SEMA5B: variants seen among roughly 807,000 people sequenced by gnomAD.
The protein encoded by SEMA5B is semaphorin-5B.
Under a neutral mutation model 135.0 loss-of-function variants are expected in SEMA5B, and 66 were observed. The ratio of observed to expected loss-of-function variants is 0.49; its 90% CI spans 0.40 to 0.60. SEMA5B has a LOEUF of 0.60. Among genes scored for constraint, SEMA5B ranks in the 20% least tolerant of loss-of-function variants. SEMA5B has a pLI of 0.00. For synonymous variants in SEMA5B, 690 were observed against 639.5 expected (o/e 1.08, Z -1.19); for missense variants, 1,501 against 1,566.3 (o/e 0.96, Z 0.70).
chr3:122,970,976 C>T (rs1941089744), intron 1 of SEMA5B, among the ~76,000 whole-genome samples: 1 of 152,218 alleles, frequency 6.6e-6, no homozygotes, highest in Non-Finnish European at 1.5e-5. Context: ...AGGGCTGGAT[C>T]AAGAGCCAGA....
At chr3:122,947,548 C>T (rs1402101237) in intron 3 of SEMA5B, among the ~76,000 whole-genome samples, 3 of 152,222 alleles carry the variant, frequency 2.0e-5, no homozygotes, top group Non-Finnish European at 4.4e-5. Context: ...AGCAACGGAT[C>T]GCTCTGCAGT....
chr3:122,939,548 C>A, intron 4 of SEMA5B, 78 bp from the exon 5 acceptor site: 1 of 1,114,880 alleles, frequency 9.0e-7, no homozygotes, highest in Non-Finnish European at 1.4e-6. Flanking sequence ...CTGGCTTGGG[C>A]CTCCTGGGAC....
rs974419781 is a variant in SEMA5B at position 122,966,561 on chromosome 3, TTATTA to T, written c.-38-5265_-38-5261del. 1.1e-3 allele frequency among the ~76,000 whole-genome samples: 154 copies of T among 141,982 alleles called. 1 individual carries two copies. The highest frequency in any genetic ancestry group is 4.1e-3 in the African/African-American group (137 of 33,510). 93.1% of individuals were successfully genotyped at this position (141,982 alleles called of 152,430 possible). ...TTTATTATTATTATTATTATTATTA[TTATTA>T]TTTTTTGAGACGGAGTCTCGCTCTA... On this transcript the variant is annotated intron_variant, in intron 1 of 22. Coordinates refer to ENST00000357599, the MANE Select transcript of SEMA5B (RefSeq NM_001031702.4).
intron 4 of SEMA5B, among the ~76,000 whole-genome samples, chr3:122,943,061 C>A (rs938614298): frequency 6.6e-6 from 1 of 152,228 alleles, no homozygotes; most frequent in Non-Finnish European, 1.5e-5. Context: ...GCCGGCTGGC[C>A]GGCAGGGGGC....
intron 1 of SEMA5B, among the ~76,000 whole-genome samples, chr3:122,991,382 A>G (rs141912086): frequency 1.3e-5 from 2 of 152,310 alleles, no homozygotes; most frequent in Non-Finnish European, 2.9e-5. Context: ...GTTAACCTGA[A>G]CCAGTAGTTC....
rs545307771 is a variant in SEMA5B, at chr3:122,936,096, CTT to C, written c.474+3327_474+3328del. Among the ~76,000 whole-genome samples the C allele has an allele frequency of 1.1e-4, 16 of 152,260 alleles. No homozygotes were observed. In the South Asian group the frequency reaches 3.3e-3, roughly 32 times the overall value. Reference sequence around the variant, plus strand: ...TGTGCACCCTTTAAAATTTCTCACTCTTTTTAGTGGAGTTTTGTGAAGGGGTG... The same window carrying C: ...TGTGCACCCTTTAAAATTTCTCACTCTTTAGTGGAGTTTTGTGAAGGGGTG... On this transcript the variant is annotated intron_variant, in intron 5 of 22. Coordinates refer to ENST00000357599, the MANE Select transcript of SEMA5B (RefSeq NM_001031702.4).
At chr3:123,008,859 C>T (rs1181591019) in intron 1 of SEMA5B, among the ~76,000 whole-genome samples, 1 of 152,138 alleles carries the variant, frequency 6.6e-6, no homozygotes, top group East Asian at 1.9e-4. Context: ...GGTTCAGGAG[C>T]TGAGGGGCAC....
At chr3:122,913,474 G>A (rs777559222) in intron 16 of SEMA5B, 50 bp from the exon 17 acceptor site, 2 of 1,566,842 alleles carry the variant, frequency 1.3e-6, no homozygotes, top group Non-Finnish European at 1.7e-6. Flanking sequence ...CTCCAGGCCC[G>A]CCCTCCCCTC....
chr3:122,916,652 G>A (rs1035170178), intron 12 of SEMA5B, among the ~76,000 whole-genome samples: 12 of 152,160 alleles, frequency 7.9e-5, no homozygotes, highest in African/African-American at 2.4e-4. Context: ...TGCTTCCCAC[G>A]GGAGGTTGTG....
At chr3:122,951,333 G>T (rs1392053468) in intron 2 of SEMA5B, among the ~76,000 whole-genome samples, 2 of 152,140 alleles carry the variant, frequency 1.3e-5, no homozygotes, top group Non-Finnish European at 2.9e-5. Context: ...ACTAATCTTT[G>T]TAGGTTATCT....
chr3:123,016,668 G>A (rs1576411457), intron 1 of SEMA5B, among the ~76,000 whole-genome samples: 1 of 152,030 alleles, frequency 6.6e-6, no homozygotes, highest in East Asian at 1.9e-4. Context: ...TTGAGCTCCT[G>A]GGCTCAAGCA....
At chr3:123,026,344 G>A (rs1576416702) in intron 1 of SEMA5B, among the ~76,000 whole-genome samples, 1 of 152,132 alleles carries the variant, frequency 6.6e-6, no homozygotes, top group Non-Finnish European at 1.5e-5. Flanking sequence ...GATCGCAGGG[G>A]TGCGGGCAGA....
At chr3:123,001,174 T>C (rs1249185113) in intron 1 of SEMA5B, among the ~76,000 whole-genome samples, 3 of 152,126 alleles carry the variant, frequency 2.0e-5, no homozygotes, top group Non-Finnish European at 4.4e-5. Context: ...AGACAGCCAA[T>C]GCTTGAAGGG....
At chr3:122,976,095 A>C in intron 1 of SEMA5B, 1 of 1,535,234 alleles carries the variant, frequency 6.5e-7, no homozygotes, top group South Asian at 1.2e-5. Context: ...CACGCAGCCA[A>C]TGGCTTCCTC....
intron 2 of SEMA5B, among the ~76,000 whole-genome samples, chr3:122,954,513 G>A (rs965711164): frequency 6.6e-6 from 1 of 152,188 alleles, no homozygotes. Flanking sequence ...CTTCATGAGG[G>A]CAGGAGGCAA....
Position 122,991,223 on chromosome 3 carries a change from G to T in SEMA5B, c.-38-29922C>A, listed in dbSNP as rs183868009. On this transcript the variant is annotated intron_variant, in intron 1 of 22. Coordinates refer to ENST00000357599, the MANE Select transcript of SEMA5B (RefSeq NM_001031702.4). Reference sequence around the variant, plus strand: ...GAAGTGATTCTCCAGTCAGGATTGGGTGAGAACGTGAGCAAGATCACACAC... The same window carrying T: ...GAAGTGATTCTCCAGTCAGGATTGGTTGAGAACGTGAGCAAGATCACACAC... 2.6e-5 allele frequency among the ~76,000 whole-genome samples: 4 copies of T among 152,194 alleles called. No individual in the cohort carries two copies. The South Asian group carries it at 8.3e-4, about 31-fold the overall frequency.
chr3:122,958,999 A>G (rs540495968), intron 2 of SEMA5B, among the ~76,000 whole-genome samples: 66 of 152,336 alleles, frequency 4.3e-4, no homozygotes, highest in African/African-American at 1.6e-3. Flanking sequence ...GATGACCAAA[A>G]GTTTAACAAG....
chr3:122,995,184 G>T (rs1164284342), intron 1 of SEMA5B, among the ~76,000 whole-genome samples: 1 of 152,180 alleles, frequency 6.6e-6, no homozygotes, highest in Non-Finnish European at 1.5e-5. Context: ...ACATCGGGTG[G>T]TGGGGGTGGA....
rs1938031967 is a variant in SEMA5B, at chr3:122,915,627, G to GAC, written c.1807-8_1807-7dup. 6.2e-7 allele frequency: 1 copy of GAC among 1,609,570 alleles called. No individual in the cohort carries two copies. Among genetic ancestry groups the GAC allele is most frequent in the African/African-American group, 1.3e-5 (1 of 74,862 alleles). On this transcript the variant is annotated splice_region_variant and splice_polypyrimidine_tract_variant and intron_variant, in intron 13 of 22. Transcript: ENST00000357599. ...TCCCGTGTCACATTCCGCACCTGAA[G>GAC]ACACACATGGGAGACAGTACCCCTA...
Sources: gnomAD v4.1 joint callset for allele counts (sites outside exome capture counted in the v4.1 genomes callset) on GRCh38, gnomAD v4.1.1 for gene constraint, MANE v1.5 for transcripts, NCBI Gene and HGNC (gene_info 2026-07-23, HGNC 2026-07-21) for gene names.